Variants in SLC25A23 observed in about 807,000 individuals in gnomAD.
SLC25A23 encodes the protein mitochondrial adenyl nucleotide antiporter SLC25A23.
Under a neutral mutation model 53.9 loss-of-function variants are expected in SLC25A23, and 32 were observed. That is an observed-to-expected ratio of 0.59 (90% CI 0.45 to 0.80). SLC25A23 has a LOEUF of 0.80. Ranked by LOEUF, SLC25A23 falls within the 30% of genes least tolerant of loss-of-function variation. The pLI is 0.00. For missense variants in SLC25A23, 575 were observed against 651.4 expected (o/e 0.88, Z 1.28); for synonymous variants, 275 against 264.5 (o/e 1.04, Z -0.38).
At chr19:6,445,315 G>C (rs960752578) in intron 8 of SLC25A23, among the ~76,000 whole-genome samples, 4 of 150,952 alleles carry the variant, frequency 2.6e-5, no homozygotes, top group African/African-American at 9.8e-5. Context: ...CACCATGTTG[G>C]CCAGAGTGGT....
rs775252589 is a variant in SLC25A23 at position 6,441,970 on chromosome 19, G to T, written c.*5C>A. ...GAGGGATTGGGGGGACGGGCTCCGG[G>T]TCCCTCACCTGGACGTGACCCCCAA... On this transcript the variant is annotated 3_prime_UTR_variant, in exon 10 of 10. Transcript: ENST00000301454. 6 of 1,613,266 alleles carry T rather than the reference G, an allele frequency of 3.7e-6. No individual in the cohort carries two copies. In the Admixed American group the frequency reaches 8.3e-5, roughly 22 times the overall value.
intron 8 of SLC25A23, among the ~76,000 whole-genome samples, chr19:6,447,465 G>A (rs932675695): frequency 2.0e-5 from 3 of 151,716 alleles, no homozygotes; most frequent in African/African-American, 7.3e-5. Context: ...ACCACACCCG[G>A]CTAATTATCT....
chr19:6,442,968 C>T (rs1409835350), intron 9 of SLC25A23, among the ~76,000 whole-genome samples: 1 of 120,468 alleles, frequency 8.3e-6, no homozygotes, highest in Non-Finnish European at 1.7e-5. Context: ...ACAGAGTTTT[C>T]ACTCCTGTTG....
chr19:6,452,226 G>A, intron 8 of SLC25A23, 86 bp downstream of exon 8: 1 of 1,525,142 alleles, frequency 6.6e-7, no homozygotes, highest in Non-Finnish European at 8.8e-7. Context: ...CAGGTCAACT[G>A]AGCCAGCCCC....
Position 6,441,853 on chromosome 19 carries a change from G to C in SLC25A23, c.*122C>G. ...CCAATGGTTGGGGCATAGGAGTCTA[G>C]GATCCAGGATCTGGGTACTGGGATC... On this transcript the variant is annotated 3_prime_UTR_variant, in exon 10 of 10. Coordinates refer to ENST00000301454, the MANE Select transcript of SLC25A23 (RefSeq NM_024103.3). 1.1e-6 allele frequency: 1 copy of C among 893,524 alleles called. No individual in the cohort carries two copies. The highest frequency in any genetic ancestry group is 1.6e-5 in the South Asian group (1 of 64,036). The allele number at this position is 893,524 out of a possible 1,614,324, so 55.3% of individuals were successfully genotyped here. A position where few individuals can be genotyped will look rare whatever the true frequency, so the allele number is the denominator to read the frequency against.
At position 6,454,461 on chromosome 19, in the gene SLC25A23, C is replaced by T. The variant is rs1378411122; in HGVS notation, c.657G>A (p.Lys219=). ...CCCCAAGGATGTTCAGCCGGTTGGT[C>T]TTTGAGGCATGGACCTGAATGGGGA... The part of the protein sequence containing the change: ...LKVFMQVHAS[K]TNRLNILGGL... Residue 219 remains lysine, a synonymous_variant, in exon 6 of 10, where the codon AAG becomes AAA. Transcript: ENST00000301454. The surrounding 1 kb of genome is among the most constrained non-coding windows in gnomAD (Gnocchi z 4.3). The T allele has an allele frequency of 3.1e-6, 5 of 1,614,116 alleles. No homozygotes were observed. In the East Asian group the frequency reaches 6.7e-5, roughly 22 times the overall value.
rs772094684 is a variant in SLC25A23 at position 6,459,423 on chromosome 19, C to T, written c.156+50G>A. The stretch of plus-strand genomic sequence containing the variant: ...CGCCCAGTTCAGGGGCTTGGGTAAC[C>T]GGGAGCGGGCGGGGCCGGGAGGGGA... On this transcript the variant is annotated intron_variant, in intron 1 of 9. Coordinates refer to ENST00000301454, the MANE Select transcript of SLC25A23 (RefSeq NM_024103.3). The surrounding 1 kb of genome is among the most constrained non-coding windows in gnomAD (Gnocchi z 4.6). The T allele has an allele frequency of 2.0e-6, 3 of 1,509,788 alleles. No individual in the cohort carries two copies. The highest frequency in any genetic ancestry group is 1.4e-5 in the African/African-American group (1 of 71,408). The allele number at this position is 1,509,788 out of a possible 1,614,324, so 93.5% of individuals were successfully genotyped here.
At chr19:6,452,513 T>C (rs2092607488) in intron 7 of SLC25A23, 34 bp from the exon 8 acceptor site, 2 of 1,575,140 alleles carry the variant, frequency 1.3e-6, no homozygotes, top group South Asian at 2.3e-5. Context: ...GGAAAAGCTG[T>C]CCCACCAAAT....
chr19:6,455,707 GTTTTTTTTT>G (rs529957147), intron 4 of SLC25A23, among the ~76,000 whole-genome samples: 4 of 124,968 alleles, frequency 3.2e-5, no homozygotes, highest in Admixed American at 8.8e-5. Flanking sequence ...TGAAGACCGT[GTTTTTTTTT>G]TTTTTTTTTT....
In SLC25A23 at chr19:6,454,444, A is replaced by G; in HGVS notation, c.674T>C (p.Ile225Thr). ...VHASKTNRLNILGGLRSMVLE... is the reference protein window; with the variant it reads ...VHASKTNRLNTLGGLRSMVLE... ...GACCATGCTTCGAAGCCCCCCAAGG[A>G]TGTTCAGCCGGTTGGTCTTTGAGGC... The change falls in exon 6 of 10, where the codon ATC (isoleucine) becomes ACC (threonine). Residue 225 changes from isoleucine (I) to threonine (T), a missense_variant. Transcript: ENST00000301454. The surrounding 1 kb of genome is among the most constrained non-coding windows in gnomAD (Gnocchi z 4.3). 6.2e-7 allele frequency: 1 copy of G among 1,614,094 alleles called. No individual in the cohort carries two copies. The highest frequency in any genetic ancestry group is 8.5e-7 in the Non-Finnish European group (1 of 1,180,026).
Position 6,459,780 on chromosome 19 carries a change from G to T in SLC25A23, c.-152C>A, listed in dbSNP as rs1377414453. On this transcript the variant is annotated 5_prime_UTR_variant, in exon 1 of 10. Coordinates refer to ENST00000301454, the MANE Select transcript of SLC25A23 (RefSeq NM_024103.3). This position sits in a 1 kb window ranked among gnomAD's most constrained non-coding sequence, Gnocchi z 4.6. ...CAGTCCGCTCGGCTCTGGCACTTGCGGGAGGTGGTGACGGCTAGCCGTCGC... is the reference window on the plus strand; with the variant it reads ...CAGTCCGCTCGGCTCTGGCACTTGCTGGAGGTGGTGACGGCTAGCCGTCGC... 9 of 581,620 alleles carry T rather than the reference G, an allele frequency of 1.5e-5. No homozygotes were observed. Among genetic ancestry groups the T allele is most frequent in the Non-Finnish European group, 2.0e-5 (8 of 410,208 alleles). 36.0% of individuals were successfully genotyped at this position (581,620 alleles called of 1,614,324 possible).
chr19:6,450,764 T>C (rs1414394359), intron 8 of SLC25A23, among the ~76,000 whole-genome samples: 1 of 152,078 alleles, frequency 6.6e-6, no homozygotes, highest in East Asian at 1.9e-4. Flanking sequence ...GTGCACAATG[T>C]AAAAGGGTGG....
chr19:6,443,556 C>A (rs1279949342), intron 9 of SLC25A23: 9 of 702,270 alleles, frequency 1.3e-5, no homozygotes, highest in South Asian at 4.4e-5. Flanking sequence ...AACCCTAAAT[C>A]AATACTTAAT....
At chr19:6,438,531 A>G (rs1198566105), downstream of SLC25A23, 1 of 152,898 alleles carries the variant, frequency 6.5e-6, no homozygotes, top group African/African-American at 2.4e-5. Context: ...AACATGATGA[A>G]ATCCTATTTC....
chr19:6,450,224 C>T (rs1417336033), intron 8 of SLC25A23, among the ~76,000 whole-genome samples: 2 of 151,910 alleles, frequency 1.3e-5, no homozygotes, highest in East Asian at 1.9e-4. Flanking sequence ...CTGATCAGTC[C>T]CCCCCAGACA....
chr19:6,436,339 G>A (rs1232052446), downstream of SLC25A23: 1 of 446,532 alleles, frequency 2.2e-6, no homozygotes, highest in Non-Finnish European at 4.5e-6. Context: ...GAATTCAACT[G>A]ATAGAATTGC....
rs765978924 is a variant in SLC25A23, at chr19:6,456,379, A to C, written c.483+41T>G. 5 of 1,581,868 alleles carry C rather than the reference A, an allele frequency of 3.2e-6. No individual in the cohort carries two copies. The African/African-American group carries it at 6.7e-5, about 21-fold the overall frequency. On this transcript the variant is annotated intron_variant, in intron 4 of 9. Transcript: ENST00000301454. Reference sequence around the variant, plus strand: ...TCGGAGCAAGGCCCCCCTGGGGAAGAGGGCACAGCCTTCAGCTGGGGAAAG... The same window carrying C: ...TCGGAGCAAGGCCCCCCTGGGGAAGCGGGCACAGCCTTCAGCTGGGGAAAG...
intron 3 of SLC25A23, among the ~76,000 whole-genome samples, chr19:6,456,999 G>A (rs2092690881): frequency 1.3e-5 from 2 of 151,964 alleles, no homozygotes; most frequent in South Asian, 4.2e-4. Flanking sequence ...ATTTTGTAGA[G>A]GGGGAAACGG....
downstream of SLC25A23, chr19:6,436,081 T>C (rs1005520140): frequency 1.1e-4 from 17 of 161,504 alleles, no homozygotes; most frequent in South Asian, 5.0e-4. Flanking sequence ...CAAAATCATA[T>C]ACATGTAGGT....
Sources: allele counts gnomAD v4.1 joint callset (sites outside exome capture counted in the v4.1 genomes callset), GRCh38; gene constraint gnomAD v4.1.1; non-coding constraint Gnocchi (gnomAD v3.1); transcripts MANE v1.5; gene names NCBI Gene and HGNC (gene_info 2026-07-23, HGNC 2026-07-21).